Variants in ATXN10 observed in about 807,000 individuals in gnomAD.
ATXN10 encodes ataxin 10.
Under a neutral mutation model 52.9 loss-of-function variants are expected in ATXN10, and 28 were observed. The observed-to-expected ratio is 0.53, with a 90% CI of 0.39 to 0.73. The LOEUF is 0.73. ATXN10 is among the 30% of genes least tolerant of loss of function. The pLI is 0.00. For synonymous variants in ATXN10, 226 were observed against 221.5 expected (o/e 1.02, Z -0.18); for missense variants, 565 against 577.0 (o/e 0.98, Z 0.21).
intron 6 of ATXN10, among the ~76,000 whole-genome samples, chr22:45,721,759 C>A (rs575333378): frequency 2.6e-5 from 4 of 152,172 alleles, no homozygotes; most frequent in South Asian, 2.1e-4. Flanking sequence ...AGGTATTATT[C>A]TTGACATTTT....
rs982305164 is a variant in ATXN10, at chr22:45,763,297, G to A, written c.1173+22759G>A. 6.6e-6 allele frequency among the ~76,000 whole-genome samples: 1 copy of A among 152,178 alleles called. No individual in the cohort carries two copies. Among genetic ancestry groups the A allele is most frequent in the African/African-American group, 2.4e-5 (1 of 41,440 alleles). On this transcript the variant is annotated intron_variant, in intron 9 of 11. Coordinates refer to ENST00000252934, the MANE Select transcript of ATXN10 (RefSeq NM_013236.4). The surrounding 1 kb of genome is among the most constrained non-coding windows in gnomAD (Gnocchi z 6.9). ...TTCAAGGCAGAGAAGGAAGGAACGA[G>A]GGAACTGGCTGGAGAGACTTGGAGG...
intron 9 of ATXN10, among the ~76,000 whole-genome samples, chr22:45,749,153 A>G (rs1925848631): frequency 6.6e-6 from 1 of 152,140 alleles, no homozygotes; most frequent in Admixed American, 6.5e-5. Context: ...TGGAATTCCT[A>G]CCACTGCATA....
rs1157686753 is a variant in ATXN10 at position 45,705,405 on chromosome 22, T to A, written c.647+2558T>A. Among the ~76,000 whole-genome samples, 1 of 152,118 alleles carries A rather than the reference T, an allele frequency of 6.6e-6. No homozygotes were observed. Among genetic ancestry groups the A allele is most frequent in the East Asian group, 1.9e-4 (1 of 5,196 alleles). ...TTTTTATCATGGGAAGGGTTTTGGT[T>A]ACTAATTCAAACCTGTTACTTGTTA... On this transcript the variant is annotated intron_variant, in intron 5 of 11. Coordinates refer to ENST00000252934, the MANE Select transcript of ATXN10 (RefSeq NM_013236.4). The surrounding 1 kb of genome is among the most constrained non-coding windows in gnomAD (Gnocchi z 5.2).
chr22:45,701,135 T>C lies in ATXN10; in HGVS notation c.488+757T>C, dbSNP rs1923827671. Among the ~76,000 whole-genome samples the C allele has an allele frequency of 6.6e-6, 1 of 152,172 alleles. No individual in the cohort carries two copies. Among genetic ancestry groups the C allele is most frequent in the Non-Finnish European group, 1.5e-5 (1 of 68,020 alleles). ...CCAATGAATGGGGTGACTTTGATGG[T>C]TGCAACAGTATAAGCAGCACAGCAG... On this transcript the variant is annotated intron_variant, in intron 4 of 11. Transcript: ENST00000252934. The surrounding 1 kb of genome is among the most constrained non-coding windows in gnomAD (Gnocchi z 4.2).
intron 6 of ATXN10, among the ~76,000 whole-genome samples, chr22:45,721,114 G>A (rs536125666): frequency 3.3e-5 from 5 of 152,280 alleles, no homozygotes; most frequent in South Asian, 2.1e-4. Context: ...GAGGCTGGTA[G>A]TCTATTCATG....
intron 5 of ATXN10, among the ~76,000 whole-genome samples, chr22:45,711,959 A>T (rs764023050): frequency 6.6e-6 from 1 of 152,228 alleles, no homozygotes; most frequent in Non-Finnish European, 1.5e-5. Context: ...GTATACGTGT[A>T]TATCTTTTTG....
chr22:45,757,620 A>C lies in ATXN10; in HGVS notation c.1173+17082A>C, dbSNP rs78178572. On this transcript the variant is annotated intron_variant, in intron 9 of 11. Coordinates refer to ENST00000252934, the MANE Select transcript of ATXN10 (RefSeq NM_013236.4). The surrounding 1 kb of genome is among the most constrained non-coding windows in gnomAD (Gnocchi z 4.6). Reference sequence around the variant, plus strand: ...TTCTAGCCATTTTAGAAAAAAAAAAACATTAGTACAGTATTAGTAAATATG... The same window carrying C: ...TTCTAGCCATTTTAGAAAAAAAAAACCATTAGTACAGTATTAGTAAATATG... Among the ~76,000 whole-genome samples, 1 of 151,906 alleles carries C rather than the reference A, an allele frequency of 6.6e-6. No homozygotes were observed. The highest frequency in any genetic ancestry group is 1.5e-5 in the Non-Finnish European group (1 of 67,898).
chr22:45,693,299 TC>T (rs1923457946), intron 3 of ATXN10, among the ~76,000 whole-genome samples: 1 of 152,242 alleles, frequency 6.6e-6, no homozygotes, highest in Non-Finnish European at 1.5e-5. Flanking sequence ...GTCTGTCTGT[TC>T]CAGTTGCTAT....
rs1925975532 is a variant in ATXN10, at chr22:45,751,763, A to AATAATAATAATAATAATAAT, written c.1173+11226_1173+11227insTAATAATAATAATAATAATA. Among the ~76,000 whole-genome samples, 4 of 66,610 alleles carry AATAATAATAATAATAATAAT rather than the reference A, an allele frequency of 6.0e-5. No homozygotes were observed. The East Asian group carries it at 9.2e-4, about 15-fold the overall frequency. 43.7% of individuals were successfully genotyped at this position (66,610 alleles called of 152,430 possible). On this transcript the variant is annotated intron_variant, in intron 9 of 11. Coordinates refer to ENST00000252934, the MANE Select transcript of ATXN10 (RefSeq NM_013236.4). ...TGGAAAAAAAAAAAAAATAAAAAAA[A>AATAATAATAATAATAATAAT]AATAATAATAATAATAATAATAATA...
At chr22:45,746,844 G>A (rs1445222245) in intron 9 of ATXN10, among the ~76,000 whole-genome samples, 3 of 152,160 alleles carry the variant, frequency 2.0e-5, no homozygotes, top group Non-Finnish European at 4.4e-5. Flanking sequence ...TAGGTTATGG[G>A]TTGTTGATTC....
At chr22:45,791,301 A>T (rs980189223) in intron 9 of ATXN10, among the ~76,000 whole-genome samples, 1 of 152,220 alleles carries the variant, frequency 6.6e-6, no homozygotes, top group African/African-American at 2.4e-5. Context: ...CATTTTAAAC[A>T]AAGACCTTTT....
rs1276219360 is a variant in ATXN10 at position 45,822,521 on chromosome 22, CAATT to C, written c.1237+15500_1237+15503del. ...TGTTGTGATTTTATTTGAATTTCTC[CAATT>C]TTTTTTTTTTTTTTTTTTTTTTTGA... On this transcript the variant is annotated intron_variant, in intron 10 of 11. Transcript: ENST00000252934. Among the ~76,000 whole-genome samples the C allele has an allele frequency of 2.4e-4, 35 of 145,968 alleles. 1 individual carries two copies. In the South Asian group the frequency reaches 7.1e-3, roughly 30 times the overall value.
chr22:45,692,802 G>C (rs758668883), intron 2 of ATXN10, among the ~76,000 whole-genome samples, 194 bp from the exon 3 acceptor site: 5 of 152,172 alleles, frequency 3.3e-5, no homozygotes, highest in Non-Finnish European at 7.3e-5. Flanking sequence ...GTTGGAAGCA[G>C]TTAGCTCTGC....
rs1159836251 is a variant in ATXN10, at chr22:45,841,976, A to T, written c.1238-1015A>T. On this transcript the variant is annotated intron_variant, in intron 10 of 11. Coordinates refer to ENST00000252934, the MANE Select transcript of ATXN10 (RefSeq NM_013236.4). The surrounding 1 kb of genome is among the most constrained non-coding windows in gnomAD (Gnocchi z 5.1). ...CCCGAGTGGGAAGCATCTGATAATC[A>T]TCAGGGGACAGGACTTGTTTGTCTT... Among the ~76,000 whole-genome samples the T allele has an allele frequency of 6.6e-6, 1 of 152,192 alleles. No individual in the cohort carries two copies. Among genetic ancestry groups the T allele is most frequent in the Non-Finnish European group, 1.5e-5 (1 of 68,026 alleles).
At chr22:45,743,877 A>G (rs976597948) in intron 9 of ATXN10, among the ~76,000 whole-genome samples, 4 of 152,186 alleles carry the variant, frequency 2.6e-5, no homozygotes, top group East Asian at 1.9e-4. Context: ...TTGTTTGCCT[A>G]TTGAGTTCCC....
At chr22:45,755,905 G>A (rs890860684) in intron 9 of ATXN10, among the ~76,000 whole-genome samples, 4 of 152,224 alleles carry the variant, frequency 2.6e-5, no homozygotes, top group African/African-American at 4.8e-5. Context: ...TCAATAGCTT[G>A]CCTGAGGTCA....
rs906938363 is a variant in ATXN10 at position 45,786,217 on chromosome 22, C to T, written c.1174-20742C>T. On this transcript the variant is annotated intron_variant, in intron 9 of 11. Coordinates refer to ENST00000252934, the MANE Select transcript of ATXN10 (RefSeq NM_013236.4). This position sits in a 1 kb window ranked among gnomAD's most constrained non-coding sequence, Gnocchi z 4.1. Reference sequence around the variant, plus strand: ...TTAATCACATTGTGTTTTGTACTTCCGGGTACTTTAAGAGCCTCTGCCATT... The same window carrying T: ...TTAATCACATTGTGTTTTGTACTTCTGGGTACTTTAAGAGCCTCTGCCATT... Among the ~76,000 whole-genome samples the T allele has an allele frequency of 2.6e-5, 4 of 152,146 alleles. No homozygotes were observed. Among genetic ancestry groups the T allele is most frequent in the African/African-American group, 2.4e-5 (1 of 41,434 alleles).
At chr22:45,709,477 A>G (rs1347759508) in intron 5 of ATXN10, among the ~76,000 whole-genome samples, 1 of 152,108 alleles carries the variant, frequency 6.6e-6, no homozygotes, top group African/African-American at 2.4e-5. Context: ...TGTCATCAGT[A>G]TCTGTCTCAT....
At chr22:45,716,382 A>C (rs570534306) in intron 5 of ATXN10, among the ~76,000 whole-genome samples, 1 of 145,260 alleles carries the variant, frequency 6.9e-6, no homozygotes, top group African/African-American at 2.6e-5. Flanking sequence ...GCTGGAGTGC[A>C]TGGAGTGCAG....
Sources: allele counts gnomAD v4.1 joint callset (sites outside exome capture counted in the v4.1 genomes callset), GRCh38; gene constraint gnomAD v4.1.1; non-coding constraint Gnocchi (gnomAD v3.1); transcripts MANE v1.5; gene names NCBI Gene and HGNC (gene_info 2026-07-23, HGNC 2026-07-21).